Variants in ADAM17 observed in about 807,000 individuals in gnomAD.
ADAM17 encodes ADAM metallopeptidase domain 17, also known as disintegrin and metalloproteinase domain-containing protein 17.
In ADAM17, 39 loss-of-function variants were observed where a neutral mutation model predicts 96.7. That is an observed-to-expected ratio of 0.40 (90% CI 0.31 to 0.53). ADAM17 has a LOEUF of 0.53. Ranked by LOEUF, ADAM17 falls within the 20% of genes least tolerant of loss-of-function variation. The pLI, the probability that ADAM17 is intolerant of heterozygous loss-of-function variation, is 0.44. For missense variants in ADAM17, 777 were observed against 1,013.2 expected (o/e 0.77, Z 3.17); for synonymous variants, 344 against 359.2 (o/e 0.96, Z 0.48).
At position 9,490,447 on chromosome 2, in the gene ADAM17, A is replaced by C. The variant is rs374390369; in HGVS notation, c.2205T>G (p.Thr735=). The change falls in exon 19 of 19, where the codon ACT becomes ACG. Residue 735 remains threonine (T), a synonymous_variant. Coordinates refer to ENST00000310823, the MANE Select transcript of ADAM17 (RefSeq NM_003183.6). The part of the protein sequence containing the change: ...RIIKPFPAPQ[T]PGRLQPAPVI... ...CAGGGGCAGGCTGCAGGCGGCCTGG[A>C]GTCTGGGGCGCAGGAAAGGGTTTGA... 117 of 1,614,006 alleles carry C rather than the reference A, an allele frequency of 7.2e-5. No homozygotes were observed. The highest frequency in any genetic ancestry group is 9.7e-5 in the Non-Finnish European group (114 of 1,180,020).
intron 4 of ADAM17, among the ~76,000 whole-genome samples, chr2:9,531,113 A>G (rs942753362): frequency 2.0e-5 from 3 of 152,098 alleles, no homozygotes; most frequent in African/African-American, 4.8e-5. Flanking sequence ...GCAAGCCACC[A>G]AGCCTGGCTA....
chr2:9,525,045 T>C (rs950061278), intron 6 of ADAM17, among the ~76,000 whole-genome samples: 1 of 151,954 alleles, frequency 6.6e-6, no homozygotes, highest in South Asian at 2.1e-4. Context: ...CCCCTTAATA[T>C]AAAACCCAGA....
intron 1 of ADAM17, among the ~76,000 whole-genome samples, chr2:9,554,714 C>A (rs910897122): frequency 5.3e-5 from 8 of 152,156 alleles, no homozygotes; most frequent in Non-Finnish European, 1.2e-4. Context: ...CTTACTTCCA[C>A]CAAAGTTCAG....
At chr2:9,522,411 G>A (rs561425707) in intron 7 of ADAM17, 4 of 600,960 alleles carry the variant, frequency 6.7e-6, no homozygotes, top group Middle Eastern at 2.5e-4. Flanking sequence ...CTTTTGTACT[G>A]TGTACATGTT....
At chr2:9,496,465 C>T (rs1250563192) in intron 14 of ADAM17, 1 of 152,292 alleles carries the variant, frequency 6.6e-6, no homozygotes, top group Admixed American at 6.5e-5. Context: ...ACTCCCTCAT[C>T]GACTCCCATG....
intron 1 of ADAM17, among the ~76,000 whole-genome samples, chr2:9,550,142 T>C (rs902390272): frequency 6.6e-6 from 1 of 151,990 alleles, no homozygotes; most frequent in African/African-American, 2.4e-5. Context: ...CAGGTGCGGG[T>C]TGTTGGGACT....
chr2:9,540,684 T>C (rs1665172722), intron 2 of ADAM17, among the ~76,000 whole-genome samples: 1 of 152,174 alleles, frequency 6.6e-6, no homozygotes, highest in South Asian at 2.1e-4. Context: ...CTCCTTAATA[T>C]ACTAAGCACT....
intron 6 of ADAM17, among the ~76,000 whole-genome samples, chr2:9,525,639 G>A: frequency 6.6e-6 from 1 of 152,134 alleles, no homozygotes; most frequent in East Asian, 1.9e-4. Flanking sequence ...AACTAGTTAT[G>A]ACCATGAAAG....
At chr2:9,531,017 G>A (rs1380922275) in intron 4 of ADAM17, among the ~76,000 whole-genome samples, 1 of 152,038 alleles carries the variant, frequency 6.6e-6, no homozygotes, top group Admixed American at 6.5e-5. Flanking sequence ...GAGTACAGTG[G>A]AGCGATCTCA....
chr2:9,506,359 GTTTTTTTT>G (rs769256744), intron 11 of ADAM17, among the ~76,000 whole-genome samples: 93 of 73,238 alleles, frequency 1.3e-3, no homozygotes, highest in Non-Finnish European at 2.0e-3. Context: ...CTTCAAATCT[GTTTTTTTT>G]TTTTTTTTTT....
intron 4 of ADAM17, among the ~76,000 whole-genome samples, chr2:9,535,325 A>G (rs921356974): frequency 1.3e-5 from 2 of 152,242 alleles, no homozygotes; most frequent in African/African-American, 4.8e-5. Context: ...TGACAGATAG[A>G]TATGTGTCTT....
At position 9,536,792 on chromosome 2, in the gene ADAM17, A is replaced by G. The variant is rs770087502; in HGVS notation, c.267T>C (p.Arg89=). ...CCACGACCTTGAAATTTTGTGAAAA[A>G]CGTTCAGTACTTGATGTCAGGTATA... ...FKLYLTSSTE[R]FSQNFKVVVV... Residue 89 remains arginine, a synonymous_variant, in exon 3 of 19, where the codon CGT becomes CGC. Transcript: ENST00000310823. 11 of 1,613,948 alleles carry G rather than the reference A, an allele frequency of 6.8e-6. No individual in the cohort carries two copies. The Admixed American group carries it at 1.7e-4, about 24-fold the overall frequency.
rs1663650705 is a variant in ADAM17 at position 9,510,097 on chromosome 2, T to C, written c.1226A>G (p.His409Arg). 1.2e-6 allele frequency: 2 copies of C among 1,614,106 alleles called. No homozygotes were observed. Among genetic ancestry groups the C allele is most frequent in the Non-Finnish European group, 1.7e-6 (2 of 1,180,030 alleles). ...ADLVTTHELG[H>R]NFGAEHDPDG... ...CGGATCATGTTCTGCTCCAAAATTA[T>C]GTCCCAATTCATGAGTTGTAACCAG... Residue 409 changes from histidine (H) to arginine (R), a missense_variant, in exon 11 of 19, where the codon CAT becomes CGT. By Grantham distance (29) the His-to-Arg change is conservative (BLOSUM62 0). Transcript: ENST00000310823.
chr2:9,529,908 T>C (rs1397683212), intron 4 of ADAM17, among the ~76,000 whole-genome samples: 1 of 151,316 alleles, frequency 6.6e-6, no homozygotes, highest in Admixed American at 6.6e-5. Flanking sequence ...GAGGCAGAGG[T>C]TGCAGTGATC....
chr2:9,500,588 AAACC>A (rs1450393599), intron 13 of ADAM17, among the ~76,000 whole-genome samples: 4 of 152,362 alleles, frequency 2.6e-5, no homozygotes, highest in East Asian at 3.9e-4. Context: ...TTACAAAATC[AAACC>A]AACCAACCAA....
chr2:9,515,735 CAAAAAAA>C lies in ADAM17; in HGVS notation c.1191+2159_1191+2165del, dbSNP rs56888068. ...GGTGACAAGAGTGAAACTCCGTCTC[CAAAAAAA>C]AAAAAAAAAGAAAAAAGAAAAAGAA... On this transcript the variant is annotated intron_variant, in intron 10 of 18. Transcript: ENST00000310823. 2.4e-4 allele frequency among the ~76,000 whole-genome samples: 28 copies of C among 118,082 alleles called. 1 individual carries two copies. The highest frequency in any genetic ancestry group is 1.6e-3 in the Admixed American group (17 of 10,754). The allele number at this position is 118,082 out of a possible 152,430, so 77.5% of individuals were successfully genotyped here. A position where few individuals can be genotyped will look rare whatever the true frequency, so the allele number is the denominator to read the frequency against.
At chr2:9,513,711 G>C (rs1418627312) in intron 10 of ADAM17, among the ~76,000 whole-genome samples, 1 of 151,954 alleles carries the variant, frequency 6.6e-6, no homozygotes, top group Non-Finnish European at 1.5e-5. Context: ...CTAAAACAAA[G>C]TACCATAAGA....
At chr2:9,496,719 T>C (rs1456940257) in intron 14 of ADAM17, among the ~76,000 whole-genome samples, 5 of 152,180 alleles carry the variant, frequency 3.3e-5, no homozygotes, top group African/African-American at 4.8e-5. Flanking sequence ...GGTGGAGTTG[T>C]TGCAGGAGTA....
chr2:9,543,616 A>AACAGGAGCTTAAAAT (rs1281795211), intron 1 of ADAM17, among the ~76,000 whole-genome samples: 4 of 152,232 alleles, frequency 2.6e-5, no homozygotes, highest in African/African-American at 9.6e-5. Context: ...AAAATACAGC[A>AACAGGAGCTTAAAAT]ACAGGAGCTT....
Sources: allele counts gnomAD v4.1 joint callset (sites outside exome capture counted in the v4.1 genomes callset), GRCh38; gene constraint gnomAD v4.1.1; transcripts MANE v1.5; gene names NCBI Gene and HGNC (gene_info 2026-07-23, HGNC 2026-07-21).